The following FLII variants were observed in gnomAD, a reference collection of about 807,000 sequenced individuals.
FLII encodes the protein FLII actin remodeling protein.
FLII carries 101 observed loss-of-function variants against 156.2 expected under a neutral mutation model. The ratio of observed to expected loss-of-function variants is 0.65; its 90% CI spans 0.55 to 0.76. The LOEUF (loss-of-function observed/expected upper bound fraction) is 0.76, where lower values mean the gene tolerates loss of function less well. Ranked by LOEUF, FLII falls within the 30% of genes least tolerant of loss-of-function variation. The pLI is 0.00. For missense variants in FLII, 1,675 were observed against 1,682.8 expected, an observed-to-expected ratio of 1.00 and a Z score of 0.08; for synonymous variants, 767 against 685.8, an observed-to-expected ratio of 1.12 and a Z score of -1.85.
chr17:18,252,552 G>A lies in FLII; in HGVS notation c.1018C>T (p.Pro340Ser). Residue 340 changes from proline (P) to serine (S), a missense_variant, in exon 10 of 30, where the codon CCA becomes TCA. Coordinates refer to ENST00000327031, the MANE Select transcript of FLII (RefSeq NM_002018.4). ...TTCAGGACAAGTTTCCTCAGCTTTG[G>A]GCACCTGTGAAGACAGGGCCAGCCA... ...ELVPESLCRC[P>S]KLRKLVLNKN... is the part of the protein sequence containing the mutation. The A allele has an allele frequency of 6.2e-7, 1 of 1,613,534 alleles. No individual in the cohort carries two copies. The highest frequency in any genetic ancestry group is 8.5e-7 in the Non-Finnish European group (1 of 1,179,936).
In FLII at chr17:18,253,640, G is replaced by A; in HGVS notation, c.759C>T (p.Leu253=). 1.2e-6 allele frequency: 2 copies of A among 1,614,094 alleles called. No individual in the cohort carries two copies. Among genetic ancestry groups the A allele is most frequent in the Non-Finnish European group, 1.7e-6 (2 of 1,180,026 alleles). The change falls in exon 8 of 30, where the codon CTC becomes CTT. Residue 253 remains leucine, a synonymous_variant. Transcript: ENST00000327031. Reference sequence around the variant, plus strand: ...ACAGCTCCGTGATCTGGTTGCTGCTGAGGTTGAGGCGGCGCAGGCTGGGGA... The same window carrying A: ...ACAGCTCCGTGATCTGGTTGCTGCTAAGGTTGAGGCGGCGCAGGCTGGGGA... ...YTLPSLRRLN[L]SSNQITELSL...
intron 11 of FLII, 38 bp downstream of exon 11, chr17:18,251,961 G>C (rs983593243): frequency 5.2e-5 from 83 of 1,605,700 alleles, no homozygotes; most frequent in Non-Finnish European, 6.9e-5. Flanking sequence ...GGCCTGGAGA[G>C]GAGCCCCCGT....
chr17:18,251,034 C>T lies in FLII; in HGVS notation c.1597-17G>A, dbSNP rs759786332. The T allele has an allele frequency of 3.3e-5, 53 of 1,607,244 alleles. No homozygotes were observed. The highest frequency in any genetic ancestry group is 1.7e-4 in the Admixed American group (10 of 59,350). Reference sequence around the variant, plus strand: ...CAGAAAGGTCTGGAAGCCAAGGCACCGGCCACATCAGCTTTCATCCTGGTC... The same window carrying T: ...CAGAAAGGTCTGGAAGCCAAGGCACTGGCCACATCAGCTTTCATCCTGGTC... On this transcript the variant is annotated splice_polypyrimidine_tract_variant and intron_variant, in intron 13 of 29. Coordinates refer to ENST00000327031, the MANE Select transcript of FLII (RefSeq NM_002018.4).
chr17:18,255,029 C>T (rs2048374971), intron 4 of FLII, among the ~76,000 whole-genome samples, 154 bp downstream of exon 4: 1 of 152,184 alleles, frequency 6.6e-6, no homozygotes, highest in African/African-American at 2.4e-5. Flanking sequence ...AGGGATCTGA[C>T]TCCAAAAGTG....
intron 11 of FLII, 40 bp from the exon 12 acceptor site, chr17:18,251,856 G>C (rs575632832): frequency 4.3e-6 from 7 of 1,611,950 alleles, no homozygotes; most frequent in Non-Finnish European, 5.1e-6. Context: ...CACTGGGCCT[G>C]CTGCCCCCTT....
chr17:18,248,485 AG>A, intron 18 of FLII, 64 bp downstream of exon 18: 2 of 1,467,970 alleles, frequency 1.4e-6, no homozygotes, highest in Non-Finnish European at 1.8e-6. Flanking sequence ...ATCGGTGTGT[AG>A]TCCATTCCCC....
chr17:18,255,115 C>T (rs2048376961), intron 4 of FLII, 68 bp downstream of exon 4: 1 of 1,288,492 alleles, frequency 7.8e-7, no homozygotes, highest in African/African-American at 1.5e-5. Flanking sequence ...GCCCCAGGGA[C>T]TTTTATAGTG....
rs759000505 is a variant in FLII, at chr17:18,258,579, G to A, written c.63+49C>T. On this transcript the variant is annotated intron_variant, in intron 1 of 29. Transcript: ENST00000327031. The surrounding 1 kb of genome is among the most constrained non-coding windows in gnomAD (Gnocchi z 4.2). Reference sequence around the variant, plus strand: ...GAAGCGGAGGCCAAGCGGGCCGGGCGGAAGAGAAGGCCTGCAGGGAGGCCC... The same window carrying A: ...GAAGCGGAGGCCAAGCGGGCCGGGCAGAAGAGAAGGCCTGCAGGGAGGCCC... 16 of 1,531,760 alleles carry A rather than the reference G, an allele frequency of 1.0e-5. No individual in the cohort carries two copies. The South Asian group carries it at 1.3e-4, about 13-fold the overall frequency. 94.9% of individuals were successfully genotyped at this position (1,531,760 alleles called of 1,614,324 possible).
rs1441373242 is a variant in FLII at position 18,258,002 on chromosome 17, G to C, written c.63+626C>G. Among the ~76,000 whole-genome samples, 1 of 152,166 alleles carries C rather than the reference G, an allele frequency of 6.6e-6. No individual in the cohort carries two copies. The highest frequency in any genetic ancestry group is 2.4e-5 in the African/African-American group (1 of 41,426). On this transcript the variant is annotated intron_variant, in intron 1 of 29. Transcript: ENST00000327031. This position sits in a 1 kb window ranked among gnomAD's most constrained non-coding sequence, Gnocchi z 4.2. ...CTGGGCTCCGGTCCCTTTTCTCTCA[G>C]TCCAGCAGCTGCTCAGACAACTGCC...
At chr17:18,251,237 G>A (rs771434078) in intron 13 of FLII, 28 bp downstream of exon 13, 3 of 1,605,064 alleles carry the variant, frequency 1.9e-6, no homozygotes, top group Admixed American at 1.7e-5. Context: ...TGGGCCACAT[G>A]GCCCCTAACA....
chr17:18,252,071 T>C lies in FLII; in HGVS notation c.1174A>G (p.Ile392Val). The C allele has an allele frequency of 1.9e-6, 3 of 1,613,378 alleles. No individual in the cohort carries two copies. The highest frequency in any genetic ancestry group is 2.5e-6 in the Non-Finnish European group (3 of 1,180,028). The change falls in exon 11 of 30, where the codon ATC becomes GTC. Residue 392 changes from isoleucine (I) to valine (V), a missense_variant. Physicochemically the swap from Ile to Val is conservative, Grantham distance 29. Transcript: ENST00000327031. ...AGCTGGTTCTGCAGCGAGAAGTCGATGTTGTACCACTCAGCGGCACGGTCT... is the reference window on the plus strand; with the variant it reads ...AGCTGGTTCTGCAGCGAGAAGTCGACGTTGTACCACTCAGCGGCACGGTCT... ...PADRAAEWYN[I>V]DFSLQNQLRL...
At position 18,245,215 on chromosome 17, in the gene FLII, C is replaced by T; in HGVS notation, c.3733G>A (p.Val1245Ile). ...EHERPRRLRL[V>I]RKGNEQHAFT... Reference sequence around the variant, plus strand: ...GCGTGCTGCTCATTGCCCTTGCGGACCAGGCGCAGCCGGCGCGGCCGCTCA... The same window carrying T: ...GCGTGCTGCTCATTGCCCTTGCGGATCAGGCGCAGCCGGCGCGGCCGCTCA... Residue 1245 changes from valine (V) to isoleucine (I), a missense_variant, in exon 30 of 30, where the codon GTC becomes ATC. Around this residue, in one of 2 missense-constraint regions of FLII, gnomAD observed 1,332 missense variants for 1,269.3 expected, o/e 1.05. Coordinates refer to ENST00000327031, the MANE Select transcript of FLII (RefSeq NM_002018.4). 6.2e-7 allele frequency: 1 copy of T among 1,613,962 alleles called. No homozygotes were observed. Among genetic ancestry groups the T allele is most frequent in the Non-Finnish European group, 8.5e-7 (1 of 1,179,954 alleles).
rs753062139 is a variant in FLII at position 18,246,372 on chromosome 17, C to T, written c.3142G>A (p.Val1048Ile). ...AGGCTGGGCTGTTGGGCGCCCTGGA[C>T]CGCCTTCCTCTTGCCCCGGTGGATG... ...FIIHRGKRKA[V>I]QGAQQPSLYQ... Residue 1048 changes from valine to isoleucine, a missense_variant, in exon 24 of 30, where the codon GTC becomes ATC. Val to Ile is a conservative substitution (Grantham distance 29). Around this residue, in one of 2 missense-constraint regions of FLII, gnomAD observed 1,332 missense variants for 1,269.3 expected, o/e 1.05. Transcript: ENST00000327031. 6.2e-7 allele frequency: 1 copy of T among 1,613,928 alleles called. No individual in the cohort carries two copies. Among genetic ancestry groups the T allele is most frequent in the South Asian group, 1.1e-5 (1 of 91,086 alleles).
chr17:18,246,498 A>C (rs769392349), intron 23 of FLII, 36 bp from the exon 24 acceptor site: 1 of 1,612,066 alleles, frequency 6.2e-7, no homozygotes. Context: ...AGCTCCCTGG[A>C]CCCCCACCTG....
chr17:18,254,669 G>C lies in FLII; in HGVS notation c.427C>G (p.Pro143Ala). 1 of 1,613,976 alleles carries C rather than the reference G, an allele frequency of 6.2e-7. No individual in the cohort carries two copies. Among genetic ancestry groups the C allele is most frequent in the Non-Finnish European group, 8.5e-7 (1 of 1,179,908 alleles). ...NLSHNSIDTI[P>A]NQLFINLTDL... ...GTGAGGTTGATGAAGAGCTGGTTGGGGATGGTGTCGATGCTACGGGTGGGG... is the reference window on the plus strand; with the variant it reads ...GTGAGGTTGATGAAGAGCTGGTTGGCGATGGTGTCGATGCTACGGGTGGGG... The change falls in exon 6 of 30, where the codon CCC becomes GCC. Residue 143 changes from proline to alanine, a missense_variant. Physicochemically the swap from Pro to Ala is conservative, Grantham distance 27 (BLOSUM62 -1). Coordinates refer to ENST00000327031, the MANE Select transcript of FLII (RefSeq NM_002018.4).
Position 18,246,963 on chromosome 17 carries a change from T to C in FLII, c.2766A>G (p.Glu922=). The C allele has an allele frequency of 6.2e-7, 1 of 1,614,102 alleles. No homozygotes were observed. The highest frequency in any genetic ancestry group is 8.5e-7 in the Non-Finnish European group (1 of 1,179,994). ...LEGKKFARLP[E]EEFGHFYTQD... ...GCGTGTAGAAGTGGCCAAACTCCTC[T>C]TCCGGCAGCCGCGCAAACTTCTTGC... Residue 922 remains glutamate, a synonymous_variant, in exon 22 of 30, where the codon GAA becomes GAG. Transcript: ENST00000327031.
At position 18,245,387 on chromosome 17, in the gene FLII, C is replaced by T. The variant is rs535221206; in HGVS notation, c.3642G>A (p.Gln1214=). The T allele has an allele frequency of 2.5e-6, 4 of 1,614,218 alleles. No homozygotes were observed. The South Asian group carries it at 3.3e-5, about 13-fold the overall frequency. Residue 1214 remains glutamine (Q), a synonymous_variant, in exon 29 of 30, where the codon CAG becomes CAA. Transcript: ENST00000327031. ...VYMWVGTQTS[Q]VEIKLSLKAC... ...CCTTCAGGCTCAGCTTGATCTCCAC[C>T]TGGCTAGTCTGGGTCCCCACCCACA...
Position 18,244,933 on chromosome 17 carries a change from TCA to T in FLII, c.*203_*204del. Reference sequence around the variant, plus strand: ...GAGTGAGGGGGCTTCACACGTGCACTCACACTGTGGAGAGAGTTGGATTTCCC... The same window carrying T: ...GAGTGAGGGGGCTTCACACGTGCACTCACTGTGGAGAGAGTTGGATTTCCC... On this transcript the variant is annotated 3_prime_UTR_variant, in exon 30 of 30. Transcript: ENST00000327031. 2 of 622,544 alleles carry T rather than the reference TCA, an allele frequency of 3.2e-6. No individual in the cohort carries two copies. Among genetic ancestry groups the T allele is most frequent in the Non-Finnish European group, 2.8e-6 (1 of 352,640 alleles). The allele number at this position is 622,544 out of a possible 1,614,324, so 38.6% of individuals were successfully genotyped here.
chr17:18,255,001 AG>A, intron 4 of FLII, 147 bp from the exon 5 acceptor site: 2 of 948,618 alleles, frequency 2.1e-6, no homozygotes, highest in Non-Finnish European at 3.4e-6. Flanking sequence ...GGGACTTGGG[AG>A]GAAGAGTGCC....
Sources: gnomAD v4.1 joint callset for allele counts (sites outside exome capture counted in the v4.1 genomes callset) on GRCh38, gnomAD v4.1.1 for gene constraint, gnomAD v4.1.1 regional missense constraint, Gnocchi (gnomAD v3.1) non-coding constraint, MANE v1.5 for transcripts, NCBI Gene and HGNC (gene_info 2026-07-23, HGNC 2026-07-21) for gene names.